The following COBLL1 variants were observed in gnomAD, a reference collection of about 807,000 sequenced individuals.
COBLL1 encodes the protein cordon-bleu protein-like 1.
In COBLL1, 50 loss-of-function variants were observed where a neutral mutation model predicts 94.8. The ratio of observed to expected loss-of-function variants is 0.53; its 90% confidence interval spans 0.42 to 0.67. The LOEUF (loss-of-function observed/expected upper bound fraction) is 0.67. Among genes scored for constraint, COBLL1 ranks in the 30% least tolerant of loss-of-function variants. COBLL1 has a pLI of 0.00. For synonymous variants in COBLL1, 448 were observed against 473.8 expected (o/e 0.95, Z 0.71); for missense variants, 1,362 against 1,348.7 (o/e 1.01, Z -0.15).
intron 2 of COBLL1, among the ~76,000 whole-genome samples, chr2:164,813,503 A>G (rs993790456): frequency 6.6e-6 from 1 of 152,156 alleles, no homozygotes; most frequent in African/African-American, 2.4e-5. Context: ...ATGGAACATC[A>G]GGGGTGTTGG....
chr2:164,816,990 G>C (rs1476534185), intron 2 of COBLL1, among the ~76,000 whole-genome samples: 1 of 152,122 alleles, frequency 6.6e-6, no homozygotes, highest in Admixed American at 6.6e-5. Flanking sequence ...GTCAGGAAAA[G>C]GTGAGCAAAA....
At chr2:164,805,379 G>T (rs1684097246) in intron 2 of COBLL1, among the ~76,000 whole-genome samples, 3 of 86,166 alleles carry the variant, frequency 3.5e-5, no homozygotes, top group Non-Finnish European at 4.4e-5. Context: ...AAAGTTCATA[G>T]TTTACATTAG....
Position 164,816,803 on chromosome 2 carries a change from A to G in COBLL1, c.41+24353T>C, listed in dbSNP as rs1158888494. On this transcript the variant is annotated intron_variant, in intron 2 of 13. Transcript: ENST00000652658. ...TGAGGGGTTCTCTACACTCTACTAA[A>G]CAGATATCATCTGGTGGATGAAACA... 2.6e-5 allele frequency among the ~76,000 whole-genome samples: 4 copies of G among 152,162 alleles called. No individual in the cohort carries two copies. The South Asian group carries it at 6.2e-4, about 24-fold the overall frequency.
At chr2:164,704,808 G>A (rs1056264492) in intron 8 of COBLL1, 144 bp downstream of exon 8, 9 of 884,592 alleles carry the variant, frequency 1.0e-5, no homozygotes, top group African/African-American at 5.1e-5. Context: ...ATTTTTAAAC[G>A]GCAGCAAAGT....
At chr2:164,727,106 C>G in intron 5 of COBLL1, 1 of 1,482,826 alleles carries the variant, frequency 6.7e-7, no homozygotes, top group Non-Finnish European at 9.2e-7. Context: ...TACATCTTAC[C>G]TTGTAAAGAT....
At chr2:164,692,581 G>A (rs913201347) in intron 12 of COBLL1, 184 bp from the exon 13 acceptor site, 20 of 539,984 alleles carry the variant, frequency 3.7e-5, no homozygotes, top group African/African-American at 3.1e-4. Context: ...TGGAAGATGA[G>A]GGCATTATTC....
chr2:164,796,725 A>C (rs188052514), intron 2 of COBLL1, among the ~76,000 whole-genome samples: 85 of 143,800 alleles, frequency 5.9e-4, no homozygotes, highest in Middle Eastern at 3.6e-3. Context: ...AAAAAAAAAA[A>C]AGGAGAGGGA....
intron 2 of COBLL1, among the ~76,000 whole-genome samples, chr2:164,775,868 T>C (rs1417870878): frequency 6.6e-6 from 1 of 152,144 alleles, no homozygotes; most frequent in Non-Finnish European, 1.5e-5. Flanking sequence ...ACTACCCATA[T>C]TTTAAAATCT....
At chr2:164,679,506 T>TG (rs1449978171), downstream of COBLL1, among the ~76,000 whole-genome samples, 1 of 151,800 alleles carries the variant, frequency 6.6e-6, no homozygotes, top group Non-Finnish European at 1.5e-5. Context: ...CAGAAAAAAA[T>TG]GGGGCCATGG....
chr2:164,819,592 G>A (rs929694801), intron 2 of COBLL1, among the ~76,000 whole-genome samples: 1 of 152,108 alleles, frequency 6.6e-6, no homozygotes, highest in Non-Finnish European at 1.5e-5. Context: ...GTCAGGAAAT[G>A]TGCCAAAGTG....
intron 3 of COBLL1, among the ~76,000 whole-genome samples, chr2:164,736,355 T>C (rs1558966941): frequency 6.6e-6 from 1 of 152,130 alleles, no homozygotes; most frequent in Non-Finnish European, 1.5e-5. Flanking sequence ...ACGAAACAAA[T>C]AGACCCATTC....
rs770948723 is a variant in COBLL1, at chr2:164,730,077, T to C, written c.269A>G (p.Gln90Arg). 6.2e-7 allele frequency: 1 copy of C among 1,614,026 alleles called. No individual in the cohort carries two copies. The highest frequency in any genetic ancestry group is 1.1e-5 in the South Asian group (1 of 91,084). The change falls in exon 4 of 14, where the codon CAG becomes CGG. Residue 90 changes from glutamine to arginine, a missense_variant. Coordinates refer to ENST00000652658, the MANE Select transcript of COBLL1 (RefSeq NM_001365672.2). ...MMDLLIFLCA[Q>R]YHLNPSSYTI... ...GTAACTTGATGGATTTAAGTGATAC[T>C]GTGCACAAAGGAATATCAACAAGTC... is the stretch of plus-strand genomic sequence containing the variant.
At chr2:164,768,431 C>G (rs1688043895) in intron 2 of COBLL1, among the ~76,000 whole-genome samples, 1 of 150,426 alleles carries the variant, frequency 6.6e-6, no homozygotes, top group Non-Finnish European at 1.5e-5. Flanking sequence ...TTTTTTTTAG[C>G]ATATCAGCTA....
rs1364117461 is a variant in COBLL1, at chr2:164,695,280, G to T, written c.2112C>A (p.Tyr704Ter). The T allele has an allele frequency of 6.2e-7, 1 of 1,613,702 alleles. No homozygotes were observed. The highest frequency in any genetic ancestry group is 1.3e-5 in the African/African-American group (1 of 74,874). ...KNSTASYLKN[Y>*]PLYRQDYNPK... is the part of the protein sequence containing the mutation. ...GATTGTAGTCCTGTCTATAAAGTGGGTAATTCTTTAGGTAAGAAGCAGTGG... is the reference window on the plus strand; with the variant it reads ...GATTGTAGTCCTGTCTATAAAGTGGTTAATTCTTTAGGTAAGAAGCAGTGG... Residue 704 changes from tyrosine (Y) to a stop codon, truncating the protein, a stop_gained, in exon 12 of 14, where the codon TAC becomes TAA. Transcript: ENST00000652658. LOFTEE classifies it high-confidence loss of function.
chr2:164,767,903 C>T (rs1281420954), intron 2 of COBLL1, among the ~76,000 whole-genome samples: 1 of 151,970 alleles, frequency 6.6e-6, no homozygotes, highest in Admixed American at 6.6e-5. Flanking sequence ...AATAGTAAAA[C>T]AAAATTTTGA....
Position 164,823,987 on chromosome 2 carries a change from A to T in COBLL1, c.41+17169T>A, listed in dbSNP as rs1163364484. 2.6e-5 allele frequency among the ~76,000 whole-genome samples: 4 copies of T among 152,210 alleles called. No homozygotes were observed. The East Asian group carries it at 7.7e-4, about 29-fold the overall frequency. ...TTGCTATGCAAATATTTCAAAACAC[A>T]TTTTTAAATGAGTTTCAAATAATTA... On this transcript the variant is annotated intron_variant, in intron 2 of 13. Transcript: ENST00000652658.
chr2:164,701,096 G>A (rs1228721450), intron 9 of COBLL1, among the ~76,000 whole-genome samples: 1 of 152,056 alleles, frequency 6.6e-6, no homozygotes, highest in Admixed American at 6.5e-5. Context: ...ACTCAATAGT[G>A]CAAATTAAAG....
chr2:164,687,810 T>C, intron 13 of COBLL1: 1 of 416,974 alleles, frequency 2.4e-6, no homozygotes, highest in Non-Finnish European at 4.4e-6. Flanking sequence ...ACCTTGGTCC[T>C]AAATGTTTCT....
At chr2:164,734,380 C>T (rs1416439722) in intron 3 of COBLL1, among the ~76,000 whole-genome samples, 2 of 152,082 alleles carry the variant, frequency 1.3e-5, no homozygotes, top group African/African-American at 4.8e-5. Flanking sequence ...AAAACAGAAA[C>T]TAGTCGGCTA....
Sources: allele counts gnomAD v4.1 joint callset (sites outside exome capture counted in the v4.1 genomes callset), GRCh38; gene constraint gnomAD v4.1.1; transcripts MANE v1.5; gene names NCBI Gene and HGNC (gene_info 2026-07-23, HGNC 2026-07-21).